The following RALGAPA2 variants were observed in gnomAD, a reference collection of about 807,000 sequenced individuals.
RALGAPA2 encodes ral GTPase-activating protein subunit alpha-2.
RALGAPA2 carries 139 observed loss-of-function variants against 230.4 expected under a neutral mutation model. The observed-to-expected ratio is 0.60, with a 90% confidence interval of 0.53 to 0.69. The LOEUF is 0.69. Among genes scored for constraint, RALGAPA2 ranks in the 30% least tolerant of loss-of-function variants. RALGAPA2 has a pLI of 0.00. For synonymous variants in RALGAPA2, 847 were observed against 837.8 expected (o/e 1.01, Z -0.19); for missense variants, 2,163 against 2,276.0 (o/e 0.95, Z 1.01).
intron 37 of RALGAPA2, among the ~76,000 whole-genome samples, chr20:20,464,484 G>A (rs1602447604): frequency 6.6e-6 from 1 of 152,204 alleles, no homozygotes; most frequent in Non-Finnish European, 1.5e-5. Flanking sequence ...CAGGTCTAGA[G>A]AGTCACTCCT....
chr20:20,545,142 T>C (rs2063747016), intron 24 of RALGAPA2, among the ~76,000 whole-genome samples: 2 of 152,240 alleles, frequency 1.3e-5, no homozygotes, highest in African/African-American at 4.8e-5. Context: ...CCTAAATTTT[T>C]TCAGAAATAA....
At chr20:20,474,419 G>A (rs1017081878) in intron 36 of RALGAPA2, among the ~76,000 whole-genome samples, 3 of 152,186 alleles carry the variant, frequency 2.0e-5, no homozygotes, top group African/African-American at 7.2e-5. Flanking sequence ...ATTTAGGGAA[G>A]CAGGGGATAT....
At chr20:20,597,587 A>T (rs1246863223) in intron 16 of RALGAPA2, among the ~76,000 whole-genome samples, 1 of 152,122 alleles carries the variant, frequency 6.6e-6, no homozygotes, top group Admixed American at 6.5e-5. Context: ...GTTAAAAAAA[A>T]TACTAATCTT....
At chr20:20,694,403 TG>T (rs2069029998) in intron 1 of RALGAPA2, among the ~76,000 whole-genome samples, 1 of 152,222 alleles carries the variant, frequency 6.6e-6, no homozygotes. Context: ...AAGACTGAAG[TG>T]GCTTTCCCCA....
At chr20:20,590,591 TC>T (rs1568618580) in intron 17 of RALGAPA2, among the ~76,000 whole-genome samples, 1 of 152,246 alleles carries the variant, frequency 6.6e-6, no homozygotes, top group African/African-American at 2.4e-5. Context: ...AATCTATTCT[TC>T]ACTGTTTACA....
intron 4 of RALGAPA2, 41 bp downstream of exon 4, chr20:20,653,489 G>A (rs1404854390): frequency 9.2e-7 from 1 of 1,090,010 alleles, no homozygotes; most frequent in Non-Finnish European, 1.3e-6. Flanking sequence ...AATTCAACTG[G>A]AAGAAATTCA....
intron 3 of RALGAPA2, 69 bp from the exon 4 acceptor site, chr20:20,653,656 T>C (rs1453212481): frequency 1.1e-6 from 1 of 884,494 alleles, no homozygotes; most frequent in African/African-American, 1.7e-5. Flanking sequence ...AGGCCCATAT[T>C]ACTCACTGTA....
chr20:20,612,829 A>G (rs1261251277), intron 13 of RALGAPA2, among the ~76,000 whole-genome samples: 1 of 152,200 alleles, frequency 6.6e-6, no homozygotes, highest in Admixed American at 6.5e-5. Context: ...AGGGCAGAGA[A>G]GGGCAGCACC....
chr20:20,470,307 T>G (rs1380927460), intron 37 of RALGAPA2, among the ~76,000 whole-genome samples: 1 of 152,214 alleles, frequency 6.6e-6, no homozygotes, highest in African/African-American at 2.4e-5. Context: ...ACATTTCCAC[T>G]TCTAGTTAAA....
At chr20:20,660,158 G>A (rs1444193763) in intron 3 of RALGAPA2, among the ~76,000 whole-genome samples, 2 of 152,016 alleles carry the variant, frequency 1.3e-5, no homozygotes, top group African/African-American at 2.4e-5. Context: ...AGCCTGGGAG[G>A]CGGAGGTTGC....
chr20:20,397,425 G>C (rs2059739733), intron 38 of RALGAPA2, among the ~76,000 whole-genome samples: 1 of 152,218 alleles, frequency 6.6e-6, no homozygotes, highest in Non-Finnish European at 1.5e-5. Context: ...TCTATGCCTT[G>C]TGACAGGTTC....
chr20:20,493,728 A>C (rs2062127231), intron 36 of RALGAPA2, among the ~76,000 whole-genome samples: 1 of 152,226 alleles, frequency 6.6e-6, no homozygotes, highest in Admixed American at 6.5e-5. Context: ...TCTTATATTA[A>C]AATTTTCAGT....
At chr20:20,434,578 A>T (rs1012239715) in intron 37 of RALGAPA2, among the ~76,000 whole-genome samples, 2 of 152,038 alleles carry the variant, frequency 1.3e-5, no homozygotes, top group African/African-American at 4.8e-5. Flanking sequence ...TCTGCATGGG[A>T]TGTGTTTGTT....
At chr20:20,439,355 G>A (rs2060685155) in intron 37 of RALGAPA2, among the ~76,000 whole-genome samples, 1 of 152,052 alleles carries the variant, frequency 6.6e-6, no homozygotes, top group African/African-American at 2.4e-5. Context: ...TGGGACTACA[G>A]GCGCACACCA....
At chr20:20,404,024 T>C (rs936278248) in intron 38 of RALGAPA2, among the ~76,000 whole-genome samples, 2 of 152,196 alleles carry the variant, frequency 1.3e-5, no homozygotes, top group African/African-American at 4.8e-5. Flanking sequence ...AAGAGGAGCC[T>C]CTGCGTGGGG....
At chr20:20,558,939 T>G (rs2064170836) in intron 23 of RALGAPA2, among the ~76,000 whole-genome samples, 1 of 151,800 alleles carries the variant, frequency 6.6e-6, no homozygotes, top group African/African-American at 2.4e-5. Flanking sequence ...TGAAAATGAG[T>G]CTGCTTCATG....
At chr20:20,424,922 A>C (rs1429400440) in intron 37 of RALGAPA2, among the ~76,000 whole-genome samples, 2 of 152,240 alleles carry the variant, frequency 1.3e-5, no homozygotes, top group Admixed American at 6.5e-5. Context: ...CTCTGTTTCT[A>C]TCATCACTGA....
chr20:20,701,604 C>A (rs2069366996), intron 1 of RALGAPA2, among the ~76,000 whole-genome samples: 1 of 152,082 alleles, frequency 6.6e-6, no homozygotes, highest in Non-Finnish European at 1.5e-5. Context: ...CCGGCACATG[C>A]CTGTAATCCC....
chr20:20,514,963 C>A (rs1164161948), intron 31 of RALGAPA2, among the ~76,000 whole-genome samples: 1 of 152,226 alleles, frequency 6.6e-6, no homozygotes, highest in African/African-American at 2.4e-5. Context: ...CACTGGGCAC[C>A]TGATCGCTGC....
Sources: allele counts gnomAD v4.1 joint callset (sites outside exome capture counted in the v4.1 genomes callset), GRCh38; gene constraint gnomAD v4.1.1; transcripts MANE v1.5; gene names NCBI Gene and HGNC (gene_info 2026-07-23, HGNC 2026-07-21).